The following ANK2 variants were observed in gnomAD, a reference collection of about 807,000 sequenced individuals.
ANK2 encodes the protein ankyrin 2, also known as ankyrin-2.
A neutral mutation model predicts 360.5 loss-of-function variants in ANK2; 83 were observed. The ratio of observed to expected loss-of-function variants is 0.23; its 90% CI spans 0.19 to 0.28. The LOEUF is 0.28. ANK2 is among the 10% of genes least tolerant of loss of function. The probability of loss-of-function intolerance (pLI) is 1.00; values close to 1 mark genes in which losing one functional copy is unlikely to be tolerated. For missense variants in ANK2, 4,201 were observed against 4,795.7 expected (o/e 0.88, Z 3.66); for synonymous variants, 1,740 against 1,759.5 (o/e 0.99, Z 0.28).
intron 38 of ANK2, among the ~76,000 whole-genome samples, chr4:113,360,443 C>T (rs2096132192): frequency 6.6e-6 from 1 of 151,924 alleles, no homozygotes; most frequent in Admixed American, 6.6e-5. Context: ...ATAGGAGGTC[C>T]TAGCCAATTG....
At chr4:113,018,279 A>C (rs968330732) in intron 2 of ANK2, among the ~76,000 whole-genome samples, 1 of 152,346 alleles carries the variant, frequency 6.6e-6, no homozygotes, top group South Asian at 2.1e-4. Flanking sequence ...AATTAAGTCT[A>C]TCATGGAGTA....
the ANK2 span, among the ~76,000 whole-genome samples, chr4:112,729,906 A>G: frequency 6.6e-6 from 1 of 152,154 alleles, no homozygotes; most frequent in Non-Finnish European, 1.5e-5. Context: ...GGCACAGAAA[A>G]ACAAACACTG....
At chr4:113,277,977 T>C in intron 16 of ANK2, 42 bp downstream of exon 16, 1 of 1,548,516 alleles carries the variant, frequency 6.5e-7, no homozygotes, top group Non-Finnish European at 8.9e-7. Flanking sequence ...ACAGTGAAGG[T>C]GATAGATTAG....
intron 1 of ANK2, among the ~76,000 whole-genome samples, chr4:113,052,696 A>T (rs1481356594): frequency 2.0e-5 from 3 of 152,190 alleles, no homozygotes; most frequent in Non-Finnish European, 2.9e-5. Flanking sequence ...CCACTCAGAA[A>T]CCACAAGGAG....
At chr4:113,192,490 T>C (rs1005851707) in intron 2 of ANK2, among the ~76,000 whole-genome samples, 19 of 152,318 alleles carry the variant, frequency 1.2e-4, no homozygotes, top group African/African-American at 4.6e-4. Flanking sequence ...AGATTGAATT[T>C]ATGACCCGTT....
intron 1 of ANK2, among the ~76,000 whole-genome samples, chr4:113,148,694 A>T (rs2096925006): frequency 1.3e-5 from 2 of 152,212 alleles, no homozygotes; most frequent in South Asian, 4.1e-4. Flanking sequence ...TAACGATGAC[A>T]AGACAGAGTT....
the ANK2 span, among the ~76,000 whole-genome samples, chr4:112,807,974 A>T: frequency 6.0e-4 from 92 of 152,394 alleles, no homozygotes; most frequent in Admixed American, 1.9e-3. Context: ...CAGGATTTAT[A>T]TAACCATTTA....
intron 17 of ANK2, among the ~76,000 whole-genome samples, chr4:113,278,829 G>A (rs2061211699): frequency 6.6e-6 from 1 of 152,272 alleles, no homozygotes; most frequent in African/African-American, 2.4e-5. Flanking sequence ...CTGTGTGTTA[G>A]AGAATGAAGT....
chr4:113,327,131 T>C (rs1461520590), intron 26 of ANK2, among the ~76,000 whole-genome samples: 2 of 152,340 alleles, frequency 1.3e-5, no homozygotes, highest in Non-Finnish European at 2.9e-5. Flanking sequence ...GAGATACTTA[T>C]AGGTAAATTT....
At chr4:112,974,108 T>C (rs1265683724) in intron 2 of ANK2, among the ~76,000 whole-genome samples, 1 of 152,174 alleles carries the variant, frequency 6.6e-6, no homozygotes, top group Admixed American at 6.5e-5. Flanking sequence ...AGGAGACCCA[T>C]CTGCTGGGAG....
chr4:112,859,436 G>A (rs2067296920), intron 1 of ANK2, among the ~76,000 whole-genome samples: 1 of 152,136 alleles, frequency 6.6e-6, no homozygotes, highest in Non-Finnish European at 1.5e-5. Flanking sequence ...CTGGATTTGG[G>A]AAGAGTGAGA....
chr4:113,247,155 T>G (rs2153591683), intron 9 of ANK2, among the ~76,000 whole-genome samples: 1 of 147,890 alleles, frequency 6.8e-6, no homozygotes, highest in East Asian at 2.0e-4. Flanking sequence ...ATGAACTGAT[T>G]CTAGAGAAAA....
the ANK2 span, among the ~76,000 whole-genome samples, chr4:112,791,479 CTTTTTT>C: frequency 3.2e-5 from 3 of 93,898 alleles, no homozygotes; most frequent in African/African-American, 8.0e-5. Flanking sequence ...TCTTCTTCTT[CTTTTTT>C]TTTTTTTTTT....
intron 2 of ANK2, among the ~76,000 whole-genome samples, chr4:112,990,206 C>T (rs2046286948): frequency 6.6e-6 from 1 of 152,132 alleles, no homozygotes. Context: ...GACTTTGAGG[C>T]TCTAGTGAGC....
intron 1 of ANK2, among the ~76,000 whole-genome samples, chr4:113,097,671 T>C (rs1275612070): frequency 6.6e-6 from 1 of 151,960 alleles, no homozygotes; most frequent in Non-Finnish European, 1.5e-5. Flanking sequence ...ATTTTAGACA[T>C]AATCAAGAGA....
At chr4:113,342,032 C>T (rs1273495613) in intron 33 of ANK2, 116 bp downstream of exon 33, 18 of 1,147,554 alleles carry the variant, frequency 1.6e-5, no homozygotes, top group Admixed American at 4.3e-5. Context: ...AAGACAAGTT[C>T]GCATTTTGGT....
chr4:113,145,396 GAGAC>G (rs573097094), intron 1 of ANK2, among the ~76,000 whole-genome samples: 3 of 152,282 alleles, frequency 2.0e-5, no homozygotes, highest in Admixed American at 2.0e-4. Context: ...GTGTGAATAA[GAGAC>G]AGAGAAGAGG....
chr4:112,857,762 G>T (rs1319279059), intron 1 of ANK2, among the ~76,000 whole-genome samples: 2 of 152,158 alleles, frequency 1.3e-5, no homozygotes, highest in Non-Finnish European at 2.9e-5. Context: ...GGTGGGTCTG[G>T]ATACTAAGGG....
intron 2 of ANK2, among the ~76,000 whole-genome samples, chr4:112,939,345 T>C (rs1005203653): frequency 6.6e-6 from 1 of 152,216 alleles, no homozygotes; most frequent in Admixed American, 6.5e-5. Flanking sequence ...GTTTCACTCT[T>C]GTTGCCCAGG....
Sources: gnomAD v4.1 joint callset for allele counts (sites outside exome capture counted in the v4.1 genomes callset) on GRCh38, gnomAD v4.1.1 for gene constraint, MANE v1.5 for transcripts, NCBI Gene and HGNC (gene_info 2026-07-23, HGNC 2026-07-21) for gene names.